The following MAP7D3 variants were observed in gnomAD, a reference collection of about 807,000 sequenced individuals.
MAP7D3 encodes the protein MAP7 domain containing 3.
A neutral mutation model predicts 62.2 loss-of-function variants in MAP7D3; 45 were observed. The observed-to-expected ratio is 0.72, with a 90% CI of 0.57 to 0.93. The LOEUF (loss-of-function observed/expected upper bound fraction) is 0.93. MAP7D3 is among the 40% of genes least tolerant of loss of function. The pLI, the probability that MAP7D3 is intolerant of heterozygous loss-of-function variation, is 0.00. For missense variants in MAP7D3, 711 were observed against 683.1 expected (o/e 1.04, Z -0.45); for synonymous variants, 288 against 248.8 (o/e 1.16, Z -1.48).
chrX:136,235,639 C>T, intron 7 of MAP7D3, among the ~76,000 whole-genome samples: 1 of 110,883 alleles, frequency 9.0e-6, no homozygotes, highest in Non-Finnish European at 1.9e-5. Context: ...ATCCCAGCTA[C>T]TCGGGAAGCT....
chrX:136,251,583 GA>G (rs1052759631), upstream of MAP7D3: 42 of 812,743 alleles, frequency 5.2e-5, no homozygotes, highest in Admixed American at 2.9e-3. Flanking sequence ...CTGGTCTAAA[GA>G]AACCCTCTCC....
In MAP7D3 at chrX:136,246,120, G is replaced by A; in HGVS notation, c.198C>T (p.Asp66=). 8.4e-7 allele frequency: 1 copy of A among 1,197,255 alleles called. No individual in the cohort carries two copies. Among genetic ancestry groups the A allele is most frequent in the Admixed American group, 2.2e-5 (1 of 45,547 alleles). Residue 66 remains aspartate, a synonymous_variant, in exon 3 of 19, where the codon GAC becomes GAT. Coordinates refer to ENST00000316077, the MANE Select transcript of MAP7D3 (RefSeq NM_024597.4). ...PVIDGSMLKN[D]IKQRLARERR... is the part of the protein sequence containing the mutation. ...GCTCTCTTGCTAATCTTTGTTTTAT[G>A]TCATTTTTAAGCATGGATCCATCGA...
Position 136,249,500 on chromosome X carries a change from G to A in MAP7D3, c.70+1789C>T, listed in dbSNP as rs1215540235. ...TGGTATGCTACAACCTCAGCACAGT[G>A]CTATGCACAGAAAACATCACTCAAC... On this transcript the variant is annotated intron_variant, in intron 1 of 18. Coordinates refer to ENST00000316077, the MANE Select transcript of MAP7D3 (RefSeq NM_024597.4). Among the ~76,000 whole-genome samples the A allele has an allele frequency of 3.6e-5, 4 of 112,123 alleles. No homozygotes were observed. The Admixed American group carries it at 3.8e-4, about 11-fold the overall frequency.
chrX:136,227,513 C>T, intron 11 of MAP7D3, 82 bp from the exon 12 acceptor site: 2 of 655,512 alleles, frequency 3.1e-6, no homozygotes, highest in South Asian at 2.9e-5. Context: ...TATAGTGAAA[C>T]TTCCTGTGTA....
At position 136,228,661 on chromosome X, in the gene MAP7D3, T is replaced by C; in HGVS notation, c.1848A>G (p.Lys616=). Residue 616 remains lysine (K), a synonymous_variant, in exon 11 of 19, where the codon AAA becomes AAG. Coordinates refer to ENST00000316077, the MANE Select transcript of MAP7D3 (RefSeq NM_024597.4). ...CTTCCCGTTGTCTTTCTTCTTCCTC[T>C]TTTTCTCTTTGTTCACGAGCAAGGC... ...LRRLAREQRE[K]EEEERQREEM... is the part of the protein sequence containing the mutation. 8.3e-7 allele frequency: 1 copy of C among 1,206,985 alleles called. No individual in the cohort carries two copies. The highest frequency in any genetic ancestry group is 1.1e-6 in the Non-Finnish European group (1 of 893,709).
intron 4 of MAP7D3, among the ~76,000 whole-genome samples, chrX:136,244,197 G>C (rs1361399540): frequency 1.8e-5 from 2 of 111,654 alleles, no homozygotes; most frequent in Admixed American, 1.9e-4. Flanking sequence ...TTTGGCTGGG[G>C]AGTCACACTT....
At chrX:136,255,785 C>T (rs1030378365), upstream of MAP7D3, among the ~76,000 whole-genome samples, 5 of 111,304 alleles carry the variant, frequency 4.5e-5, no homozygotes, top group Admixed American at 9.5e-5. Flanking sequence ...TGTTCCCCAG[C>T]GAGCAGAGAA....
chrX:136,222,205 G>T, intron 15 of MAP7D3, among the ~76,000 whole-genome samples, 188 bp downstream of exon 15: 1 of 112,225 alleles, frequency 8.9e-6, no homozygotes, highest in East Asian at 2.8e-4. Flanking sequence ...ACTGTTTTTA[G>T]CATTACATGG....
At chrX:136,249,482 C>A (rs1203237440) in intron 1 of MAP7D3, among the ~76,000 whole-genome samples, 1 of 112,172 alleles carries the variant, frequency 8.9e-6, no homozygotes, top group Admixed American at 9.5e-5. Context: ...ATTTGGTATG[C>A]TACAACCTCA....
At chrX:136,224,910 T>G (rs1268843003) in intron 13 of MAP7D3, 30 bp from the exon 14 acceptor site, 2 of 987,021 alleles carry the variant, frequency 2.0e-6, no homozygotes, top group Non-Finnish European at 2.9e-6. Flanking sequence ...AATTCAAACA[T>G]GAAAACAGAT....
chrX:136,238,157 G>A (rs1229684836), intron 6 of MAP7D3, among the ~76,000 whole-genome samples: 4 of 111,201 alleles, frequency 3.6e-5, no homozygotes, highest in Non-Finnish European at 5.7e-5. Context: ...CCAAGTCTTT[G>A]CTATTGTGAA....
rs1204798422 is a variant in MAP7D3, at chrX:136,216,835, T to C, written c.*1691A>G. On this transcript the variant is annotated 3_prime_UTR_variant, in exon 19 of 19. Coordinates refer to ENST00000316077, the MANE Select transcript of MAP7D3 (RefSeq NM_024597.4). ...CTTGTTTTATCTCCAAAGTTTATTT[T>C]ATATAGCACACATTTATATGGAACT... The C allele has an allele frequency of 8.9e-6, 1 of 112,324 alleles. No individual in the cohort carries two copies. The highest frequency in any genetic ancestry group is 1.9e-5 in the Non-Finnish European group (1 of 53,319). 9.3% of individuals were successfully genotyped at this position (112,324 alleles called of 1,213,427 possible). A position where few individuals can be genotyped will look rare whatever the true frequency, so the allele number is the denominator to read the frequency against.
At chrX:136,230,727 C>A (rs2074256934) in intron 9 of MAP7D3, 112 bp downstream of exon 9, 1 of 947,085 alleles carries the variant, frequency 1.1e-6, no homozygotes, top group African/African-American at 2.0e-5. Context: ...AGGCTTTTTT[C>A]CCTTTACATT....
chrX:136,253,046 C>T (rs976299505), upstream of MAP7D3, among the ~76,000 whole-genome samples: 4 of 109,278 alleles, frequency 3.7e-5, no homozygotes, highest in Admixed American at 2.9e-4. Context: ...TGCAGTGAGC[C>T]GAGAGCTGCC....
chrX:136,228,979 C>G, intron 10 of MAP7D3: 1 of 240,261 alleles, frequency 4.2e-6, no homozygotes, highest in Non-Finnish European at 7.3e-6. Flanking sequence ...CCTACTTGTT[C>G]CAAAATGAAA....
chrX:136,249,147 G>C (rs1402645390), intron 1 of MAP7D3, among the ~76,000 whole-genome samples: 7 of 112,104 alleles, frequency 6.2e-5, no homozygotes, highest in African/African-American at 2.3e-4. Flanking sequence ...AGCTCCTCAT[G>C]AGAGTGCCCA....
rs748118854 is a variant in MAP7D3, at chrX:136,240,460, T to C, written c.562A>G (p.Lys188Glu). The change falls in exon 6 of 19, where the codon AAA becomes GAA. Residue 188 changes from lysine to glutamate, a missense_variant. Coordinates refer to ENST00000316077, the MANE Select transcript of MAP7D3 (RefSeq NM_024597.4). The part of the protein sequence containing the change: ...TANKRSASTE[K>E]LEQGTSALIR... ...AAAGCAGAAGTACCCTGTTCAAGTT[T>C]TTCAGTAGATGCAGATCGTTTATTG... 3 of 1,186,473 alleles carry C rather than the reference T, an allele frequency of 2.5e-6. No homozygotes were observed. Among genetic ancestry groups the C allele is most frequent in the Non-Finnish European group, 3.4e-6 (3 of 872,598 alleles).
At chrX:136,228,023 C>A (rs1446789976) in intron 11 of MAP7D3, among the ~76,000 whole-genome samples, 1 of 111,651 alleles carries the variant, frequency 9.0e-6, no homozygotes, top group Non-Finnish European at 1.9e-5. Flanking sequence ...TTCCCTGCAG[C>A]CAGTGGACAG....
At chrX:136,254,147 C>T (rs997816926), upstream of MAP7D3, among the ~76,000 whole-genome samples, 3 of 108,482 alleles carry the variant, frequency 2.8e-5, no homozygotes, top group African/African-American at 1.0e-4. Flanking sequence ...TGCAGTGGTA[C>T]AGTCCTGGCT....
Sources: gnomAD v4.1 joint callset for allele counts (sites outside exome capture counted in the v4.1 genomes callset) on GRCh38, gnomAD v4.1.1 for gene constraint, MANE v1.5 for transcripts, NCBI Gene and HGNC (gene_info 2026-07-23, HGNC 2026-07-21) for gene names.